Variants in AKAP6 observed in about 807,000 individuals in gnomAD.
The protein encoded by AKAP6 is A-kinase anchoring protein 6, also known as A-kinase anchor protein 6.
AKAP6 carries 58 observed loss-of-function variants against 188.5 expected under a neutral mutation model. The ratio of observed to expected loss-of-function variants is 0.31; its 90% CI spans 0.25 to 0.38. AKAP6 has a LOEUF of 0.38. Among genes scored for constraint, AKAP6 ranks in the 10% least tolerant of loss-of-function variants. The pLI is 1.00. For synonymous variants in AKAP6, 989 were observed against 998.6 expected, an observed-to-expected ratio of 0.99 and a Z score of 0.18; for missense variants, 2,710 against 2,740.0, an observed-to-expected ratio of 0.99 and a Z score of 0.24.
chr14:32,532,329 T>A (rs1252314082), intron 2 of AKAP6, among the ~76,000 whole-genome samples: 1 of 152,200 alleles, frequency 6.6e-6, no homozygotes, highest in Non-Finnish European at 1.5e-5. Context: ...TTTTTCCCCT[T>A]AGGGGTCCAT....
chr14:32,782,684 A>G (rs2033289382), intron 12 of AKAP6, among the ~76,000 whole-genome samples: 1 of 152,212 alleles, frequency 6.6e-6, no homozygotes, highest in Non-Finnish European at 1.5e-5. Context: ...TTAGGGATGT[A>G]TCTAACAATA....
At chr14:32,350,410 G>A (rs1887226760) in intron 1 of AKAP6, among the ~76,000 whole-genome samples, 1 of 152,122 alleles carries the variant, frequency 6.6e-6, no homozygotes, top group Non-Finnish European at 1.5e-5. Context: ...TACTTGGCCT[G>A]TATTCCTCCA....
At chr14:32,749,885 T>C (rs1033217502) in intron 11 of AKAP6, among the ~76,000 whole-genome samples, 3 of 152,220 alleles carry the variant, frequency 2.0e-5, no homozygotes, top group Non-Finnish European at 4.4e-5. Flanking sequence ...TCACAATATA[T>C]GTAGAGGCTT....
intron 2 of AKAP6, among the ~76,000 whole-genome samples, chr14:32,465,574 A>G (rs1878365462): frequency 6.6e-6 from 1 of 152,234 alleles, no homozygotes; most frequent in Non-Finnish European, 1.5e-5. Context: ...CTTACACCTC[A>G]TACAAAAATT....
intron 13 of AKAP6, among the ~76,000 whole-genome samples, chr14:32,828,594 C>G (rs1413859962): frequency 6.6e-6 from 1 of 151,700 alleles, no homozygotes; most frequent in Non-Finnish European, 1.5e-5. Flanking sequence ...AGATCTGTGC[C>G]TCAGCCAATT....
At position 32,823,715 on chromosome 14, in the gene AKAP6, C is replaced by A. The variant is rs2034595781; in HGVS notation, c.5902C>A (p.His1968Asn). ...TCTTCCAAAGAAATGTCCAAATCAC[C>A]ACCATTTTGAAAATCAAAGCACTGC... is the stretch of plus-strand genomic sequence containing the variant. ...RHLPKKCPNH[H>N]HFENQSTAST... The change falls in exon 13 of 14, where the codon CAC becomes AAC. Residue 1968 changes from histidine to asparagine, a missense_variant. By Grantham distance (68) the His-to-Asn change is moderately conservative. This residue lies in a region of AKAP6 where 2,473 missense variants were observed against 2,426.1 expected (regional missense o/e 1.02). Transcript: ENST00000280979. 1 of 1,613,540 alleles carries A rather than the reference C, an allele frequency of 6.2e-7. No homozygotes were observed.
At chr14:32,437,988 T>G (rs540633045) in intron 2 of AKAP6, among the ~76,000 whole-genome samples, 2 of 152,338 alleles carry the variant, frequency 1.3e-5, no homozygotes, top group East Asian at 3.9e-4. Flanking sequence ...TTCTATTGTA[T>G]GTCTGTTGTC....
At chr14:32,344,080 C>G (rs1042394485) in intron 1 of AKAP6, among the ~76,000 whole-genome samples, 1 of 152,214 alleles carries the variant, frequency 6.6e-6, no homozygotes, top group Admixed American at 6.5e-5. Context: ...CTGTGCGAAA[C>G]TGGGGACAGG....
chr14:32,799,410 T>A (rs2033870930), intron 12 of AKAP6, among the ~76,000 whole-genome samples: 1 of 151,994 alleles, frequency 6.6e-6, no homozygotes, highest in Non-Finnish European at 1.5e-5. Flanking sequence ...AGGTTGTTGA[T>A]TTTAAATTTA....
At chr14:32,501,580 GA>G (rs909568669) in intron 2 of AKAP6, among the ~76,000 whole-genome samples, 10 of 150,440 alleles carry the variant, frequency 6.6e-5, no homozygotes, top group Admixed American at 1.3e-4. Flanking sequence ...TGCCCAGGAG[GA>G]AAAAAAAATA....
intron 1 of AKAP6, among the ~76,000 whole-genome samples, chr14:32,354,023 G>A (rs1437420186): frequency 6.6e-6 from 1 of 152,064 alleles, no homozygotes; most frequent in Non-Finnish European, 1.5e-5. Context: ...CGTGAAAATG[G>A]CCATACTGCC....
intron 9 of AKAP6, among the ~76,000 whole-genome samples, chr14:32,703,656 G>A (rs765861695): frequency 2.6e-5 from 4 of 152,232 alleles, no homozygotes; most frequent in Admixed American, 6.5e-5. Flanking sequence ...ATGCTGTCAC[G>A]GAAAAAGAAA....
chr14:32,735,642 T>C lies in AKAP6; in HGVS notation c.3148-16T>C, dbSNP rs1042937827. 1.9e-5 allele frequency: 29 copies of C among 1,526,932 alleles called. No homozygotes were observed. The highest frequency in any genetic ancestry group is 2.2e-5 in the Non-Finnish European group (25 of 1,134,428). 94.6% of individuals were successfully genotyped at this position (1,526,932 alleles called of 1,614,324 possible). On this transcript the variant is annotated splice_polypyrimidine_tract_variant and intron_variant, in intron 10 of 13. Coordinates refer to ENST00000280979, the MANE Select transcript of AKAP6 (RefSeq NM_004274.5). Reference sequence around the variant, plus strand: ...TTTGTTTGTTTTATTTTTTGTTTTTTAATCTGATGCATTAGAAAACCCTAG... The same window carrying C: ...TTTGTTTGTTTTATTTTTTGTTTTTCAATCTGATGCATTAGAAAACCCTAG...
intron 4 of AKAP6, among the ~76,000 whole-genome samples, chr14:32,548,063 A>T (rs1883275957): frequency 6.9e-6 from 1 of 145,766 alleles, no homozygotes; most frequent in Non-Finnish European, 1.5e-5. Context: ...TTTGTGTATG[A>T]CTTTATGGTA....
chr14:32,772,306 A>C (rs570752242), intron 11 of AKAP6, among the ~76,000 whole-genome samples: 1 of 152,340 alleles, frequency 6.6e-6, no homozygotes, highest in South Asian at 2.1e-4. Flanking sequence ...TTATATAGGA[A>C]AATAGTAATG....
chr14:32,758,898 C>G (rs1774144733), intron 11 of AKAP6, among the ~76,000 whole-genome samples: 1 of 152,182 alleles, frequency 6.6e-6, no homozygotes, highest in Non-Finnish European at 1.5e-5. Flanking sequence ...GATTTACCAT[C>G]TCAACTTGCA....
chr14:32,372,544 A>T lies in AKAP6; in HGVS notation c.-35+43136A>T, dbSNP rs538328610. ...AACAGAGTAAAGCTTCTTTATAGCA[A>T]TATAATTCTTTAAGATCACTTTTTT... On this transcript the variant is annotated intron_variant, in intron 1 of 13. Coordinates refer to ENST00000280979, the MANE Select transcript of AKAP6 (RefSeq NM_004274.5). 2.5e-3 allele frequency among the ~76,000 whole-genome samples: 356 copies of T among 142,866 alleles called. 1 individual carries two copies. Among genetic ancestry groups the T allele is most frequent in the African/African-American group, 8.8e-3 (340 of 38,810 alleles). 93.7% of individuals were successfully genotyped at this position (142,866 alleles called of 152,430 possible).
chr14:32,598,567 G>A (rs1885798577), intron 5 of AKAP6, among the ~76,000 whole-genome samples: 1 of 152,166 alleles, frequency 6.6e-6, no homozygotes, highest in African/African-American at 2.4e-5. Flanking sequence ...ATGAATTGGA[G>A]ATAAATGTAA....
chr14:32,523,128 G>A (rs4587869), intron 2 of AKAP6, among the ~76,000 whole-genome samples: 51 of 148,176 alleles, frequency 3.4e-4, no homozygotes, highest in African/African-American at 1.2e-3. Flanking sequence ...ATTGAACAAT[G>A]AGAACACTTG....
Sources: allele counts gnomAD v4.1 joint callset (sites outside exome capture counted in the v4.1 genomes callset), GRCh38; gene constraint gnomAD v4.1.1; regional missense constraint gnomAD v4.1.1; transcripts MANE v1.5; gene names NCBI Gene and HGNC (gene_info 2026-07-23, HGNC 2026-07-21).